Variants in AP2A2 observed in about 807,000 individuals in gnomAD.
AP2A2 encodes adaptor related protein complex 2 subunit alpha 2, also known as AP-2 complex subunit alpha-2.
Under a neutral mutation model 104.2 loss-of-function variants are expected in AP2A2, and 32 were observed. That is an observed-to-expected ratio of 0.31 (90% confidence interval 0.23 to 0.41). The LOEUF (loss-of-function observed/expected upper bound fraction) is 0.41. AP2A2 is among the 10% of genes least tolerant of loss of function. AP2A2 has a pLI of 1.00. For synonymous variants in AP2A2, 539 were observed against 533.3 expected (o/e 1.01, Z -0.15); for missense variants, 912 against 1,261.0 (o/e 0.72, Z 4.19).
At chr11:947,074 G>T (rs1436722043) in intron 1 of AP2A2, 1 of 142,736 alleles carries the variant, frequency 7.0e-6, no homozygotes, top group Non-Finnish European at 1.5e-5. Context: ...CGGTGGCGCC[G>T]ATCTCGGCTC....
At chr11:943,770 A>G (rs1468720367) in intron 1 of AP2A2, among the ~76,000 whole-genome samples, 50 of 108,222 alleles carry the variant, frequency 4.6e-4, no homozygotes, top group African/African-American at 5.7e-4. Flanking sequence ...CGGAGATGGC[A>G]AGAGTAAGAG....
At chr11:928,462 A>G (rs533415911) in intron 1 of AP2A2, among the ~76,000 whole-genome samples, 31 of 152,320 alleles carry the variant, frequency 2.0e-4, no homozygotes, top group African/African-American at 7.2e-4. Flanking sequence ...ATATGGGGAA[A>G]CTGCTGTACT....
chr11:931,308 T>G (rs1161535956), intron 1 of AP2A2, among the ~76,000 whole-genome samples: 1 of 152,224 alleles, frequency 6.6e-6, no homozygotes, highest in Non-Finnish European at 1.5e-5. Flanking sequence ...AACTTTCGTT[T>G]GTTTTTACAC....
chr11:978,413 C>T (rs546379917), intron 5 of AP2A2, among the ~76,000 whole-genome samples: 1 of 152,300 alleles, frequency 6.6e-6, no homozygotes, highest in South Asian at 2.1e-4. Flanking sequence ...CTCAGATGGC[C>T]ACAAGGGCAC....
chr11:969,676 G>A (rs1232849925), intron 2 of AP2A2, among the ~76,000 whole-genome samples: 3 of 152,284 alleles, frequency 2.0e-5, no homozygotes, highest in African/African-American at 7.2e-5. Flanking sequence ...AGGGGCCGTC[G>A]CGTGTGGGCC....
At chr11:1,005,326 G>A (rs1856169623) in intron 16 of AP2A2, among the ~76,000 whole-genome samples, 1 of 152,226 alleles carries the variant, frequency 6.6e-6, no homozygotes, top group South Asian at 2.1e-4. Context: ...GGGGATGCCA[G>A]GGCCTAGGCC....
At chr11:987,001 T>C (rs1361345403) in intron 9 of AP2A2, 48 bp downstream of exon 9, 5 of 1,533,528 alleles carry the variant, frequency 3.3e-6, no homozygotes, top group Non-Finnish European at 4.4e-6. Context: ...GCAGGTGCCG[T>C]GGGTCTTCCT....
intron 1 of AP2A2, among the ~76,000 whole-genome samples, chr11:952,605 T>G (rs7395928): frequency 0.58 from 88,804 of 151,996 alleles, 26,718 homozygotes; most frequent in Middle Eastern, 0.73. Flanking sequence ...GCTGGCTGCA[T>G]TTCAGACAGG....
At chr11:936,079 T>A (rs1156608319) in intron 1 of AP2A2, among the ~76,000 whole-genome samples, 3 of 150,570 alleles carry the variant, frequency 2.0e-5, no homozygotes, top group Non-Finnish European at 3.0e-5. Context: ...TTTTTTTTTT[T>A]TTTATTTTTA....
intron 1 of AP2A2, among the ~76,000 whole-genome samples, chr11:949,551 T>G (rs1008566670): frequency 6.6e-6 from 1 of 150,986 alleles, no homozygotes; most frequent in Non-Finnish European, 1.5e-5. Flanking sequence ...CCGAGGCGGG[T>G]GGATCACGAA....
rs201536162 is a variant in AP2A2, at chr11:1,006,604, C to T, written c.2283C>T (p.Asp761=). ...TTACCCCAACACTAATCTGTTCAGACGACCTTCAGCCTAATATCCTTGGCT... is the reference window on the plus strand; with the variant it reads ...TTACCCCAACACTAATCTGTTCAGATGACCTTCAGCCTAATATCCTTGGCT... ...LNFTPTLICS[D]DLQPNLNLQT... is the part of the protein sequence containing the mutation. The change falls in exon 17 of 22, where the codon GAC becomes GAT. Residue 761 remains aspartate (D), a synonymous_variant. Coordinates refer to ENST00000448903, the MANE Select transcript of AP2A2 (RefSeq NM_012305.4). 2,176 of 1,613,132 alleles carry T rather than the reference C, an allele frequency of 1.3e-3. 4 individuals are homozygous for T. Among genetic ancestry groups the T allele is most frequent in the Non-Finnish European group, 1.6e-3 (1,940 of 1,179,236 alleles).
At chr11:995,515 T>G (rs2133752021) in intron 14 of AP2A2, 1 of 449,518 alleles carries the variant, frequency 2.2e-6, no homozygotes, top group East Asian at 7.0e-5. Context: ...TGCTACCCAG[T>G]ATCGGCAGGG....
At chr11:991,115 T>G (rs1855639453) in intron 10 of AP2A2, among the ~76,000 whole-genome samples, 1 of 148,356 alleles carries the variant, frequency 6.7e-6, no homozygotes, top group Non-Finnish European at 1.5e-5. Flanking sequence ...GGTGCTCCCC[T>G]CTGTCCTTTC....
intron 1 of AP2A2, among the ~76,000 whole-genome samples, chr11:934,193 T>C (rs1327511369): frequency 6.6e-6 from 1 of 152,136 alleles, no homozygotes; most frequent in Non-Finnish European, 1.5e-5. Context: ...GTGGCAGACC[T>C]CCTGCTGGGT....
At chr11:971,403 CG>C (rs1854823784) in intron 3 of AP2A2, among the ~76,000 whole-genome samples, 1 of 152,094 alleles carries the variant, frequency 6.6e-6, no homozygotes, top group South Asian at 2.1e-4. Context: ...TTTGGCAGGG[CG>C]GGAGCTCCCT....
intron 6 of AP2A2, 99 bp downstream of exon 6, chr11:981,398 TA>T: frequency 1.8e-6 from 2 of 1,122,950 alleles, no homozygotes; most frequent in East Asian, 5.2e-5. Context: ...GATCAGTTTA[TA>T]AATTCAGGGA....
chr11:966,920 G>A (rs1854636351), intron 2 of AP2A2, among the ~76,000 whole-genome samples: 2 of 152,232 alleles, frequency 1.3e-5, no homozygotes, highest in South Asian at 2.1e-4. Flanking sequence ...TGTAATCCCA[G>A]CACTTTAGGA....
intron 10 of AP2A2, among the ~76,000 whole-genome samples, chr11:989,828 G>A (rs1855586824): frequency 1.3e-5 from 2 of 152,198 alleles, no homozygotes. Context: ...TCCTCGCGTG[G>A]GGTTCGCCAC....
intron 1 of AP2A2, among the ~76,000 whole-genome samples, chr11:927,772 T>C (rs1853165419): frequency 7.8e-6 from 1 of 128,862 alleles, no homozygotes; most frequent in South Asian, 2.4e-4. Flanking sequence ...TGAGCTGAGA[T>C]CGCGCCATAC....
Sources: allele counts gnomAD v4.1 joint callset (sites outside exome capture counted in the v4.1 genomes callset), GRCh38; gene constraint gnomAD v4.1.1; transcripts MANE v1.5; gene names NCBI Gene and HGNC (gene_info 2026-07-23, HGNC 2026-07-21).